The following ZNF148 variants were observed in gnomAD, a reference collection of about 807,000 sequenced individuals.
ZNF148 encodes the protein Beta-Enolase Repressor Factor-1.
A neutral mutation model predicts 67.7 loss-of-function variants in ZNF148; 7 were observed. The ratio of observed to expected loss-of-function variants is 0.10; its 90% CI spans 0.06 to 0.19. The LOEUF (loss-of-function observed/expected upper bound fraction) is 0.19. ZNF148 is among the 10% of genes least tolerant of loss of function. The probability of loss-of-function intolerance (pLI) is 1.00; values close to 1 mark genes in which losing one functional copy is unlikely to be tolerated. For synonymous variants in ZNF148, 333 were observed against 330.7 expected (o/e 1.01, Z -0.08); for missense variants, 583 against 947.1 (o/e 0.62, Z 5.05).
Position 125,313,289 on chromosome 3 carries a change from T to G in ZNF148, c.333+19A>C. On this transcript the variant is annotated intron_variant, in intron 4 of 8. Transcript: ENST00000360647. Reference sequence around the variant, plus strand: ...AAATTATGTTTCTAAGTTTAATATCTTATAAAGGAATTACTTACAGGGACA... The same window carrying G: ...AAATTATGTTTCTAAGTTTAATATCGTATAAAGGAATTACTTACAGGGACA... 1 of 1,579,236 alleles carries G rather than the reference T, an allele frequency of 6.3e-7. No individual in the cohort carries two copies. The highest frequency in any genetic ancestry group is 1.8e-5 in the Admixed American group (1 of 56,998).
chr3:125,362,045 A>G (rs1292594798), intron 1 of ZNF148, among the ~76,000 whole-genome samples: 1 of 152,158 alleles, frequency 6.6e-6, no homozygotes, highest in Admixed American at 6.5e-5. Flanking sequence ...CTCACTATGC[A>G]TCTCCCCAGT....
intron 7 of ZNF148, among the ~76,000 whole-genome samples, chr3:125,243,056 G>A (rs1236508183): frequency 6.6e-6 from 1 of 152,150 alleles, no homozygotes; most frequent in African/African-American, 2.4e-5. Flanking sequence ...AGAGTTCTCT[G>A]AAGTGTTTAT....
At chr3:125,297,959 T>C (rs1163802457) in intron 4 of ZNF148, among the ~76,000 whole-genome samples, 1 of 152,176 alleles carries the variant, frequency 6.6e-6, no homozygotes, top group Non-Finnish European at 1.5e-5. Context: ...ACAATCTAAA[T>C]GACTATTAGA....
intron 5 of ZNF148, 54 bp downstream of exon 5, chr3:125,288,049 A>C: frequency 6.2e-7 from 1 of 1,611,108 alleles, no homozygotes; most frequent in Non-Finnish European, 8.5e-7. Context: ...CTATAGAATT[A>C]ACCAACAGTT....
chr3:125,351,707 A>G (rs1163652972), intron 1 of ZNF148, among the ~76,000 whole-genome samples: 1 of 152,216 alleles, frequency 6.6e-6, no homozygotes, highest in African/African-American at 2.4e-5. Flanking sequence ...ACCCAACAAT[A>G]AAAAGACAAC....
chr3:125,262,910 C>A (rs1171299874), intron 7 of ZNF148, among the ~76,000 whole-genome samples: 2 of 152,180 alleles, frequency 1.3e-5, no homozygotes, highest in Non-Finnish European at 2.9e-5. Context: ...CAAATACTAA[C>A]ATGAAAGGCC....
intron 3 of ZNF148, among the ~76,000 whole-genome samples, chr3:125,319,446 T>A (rs1940673216): frequency 6.6e-6 from 1 of 152,174 alleles, no homozygotes; most frequent in Non-Finnish European, 1.5e-5. Flanking sequence ...GCACTACTAC[T>A]CATTTTTAAT....
At chr3:125,339,361 G>A (rs538546800) in intron 1 of ZNF148, among the ~76,000 whole-genome samples, 2 of 152,256 alleles carry the variant, frequency 1.3e-5, no homozygotes, top group East Asian at 1.9e-4. Flanking sequence ...ATGTTTAAGA[G>A]TGCTAAAATG....
intron 5 of ZNF148, among the ~76,000 whole-genome samples, chr3:125,281,596 A>T (rs1376262569): frequency 6.6e-6 from 1 of 152,202 alleles, no homozygotes; most frequent in Non-Finnish European, 1.5e-5. Flanking sequence ...TGTGAAACGG[A>T]TGTAATCCTT....
At chr3:125,329,004 T>G (rs1474989990) in intron 2 of ZNF148, among the ~76,000 whole-genome samples, 3 of 148,752 alleles carry the variant, frequency 2.0e-5, no homozygotes, top group African/African-American at 4.9e-5. Flanking sequence ...TACTGATATA[T>G]ATATATATAT....
Position 125,338,459 on chromosome 3 carries a change from A to G in ZNF148, c.-233-7221T>C, listed in dbSNP as rs78682244. On this transcript the variant is annotated intron_variant, in intron 1 of 8. Coordinates refer to ENST00000360647, the MANE Select transcript of ZNF148 (RefSeq NM_021964.3). ...AACACTTCATTTAACTTTGATTTTTAAAGTGTCAATTCTTTGTCATCAAAA... is the reference window on the plus strand; with the variant it reads ...AACACTTCATTTAACTTTGATTTTTGAAGTGTCAATTCTTTGTCATCAAAA... 2.6e-3 allele frequency among the ~76,000 whole-genome samples: 400 copies of G among 152,124 alleles called. 10 individuals carry two copies. In the East Asian group the frequency reaches 0.063, roughly 24 times the overall value.
At chr3:125,260,787 A>G (rs534480704) in intron 7 of ZNF148, among the ~76,000 whole-genome samples, 1 of 152,244 alleles carries the variant, frequency 6.6e-6, no homozygotes, top group Non-Finnish European at 1.5e-5. Flanking sequence ...TCAACAACAC[A>G]TATTTCCCTT....
At chr3:125,338,386 G>C (rs1161793758) in intron 1 of ZNF148, among the ~76,000 whole-genome samples, 1 of 151,776 alleles carries the variant, frequency 6.6e-6, no homozygotes, top group East Asian at 1.9e-4. Context: ...AATAATGAAG[G>C]GAACCCTAGA....
chr3:125,257,346 G>C (rs1223962030), intron 7 of ZNF148, among the ~76,000 whole-genome samples: 2 of 152,086 alleles, frequency 1.3e-5, no homozygotes, highest in African/African-American at 4.8e-5. Context: ...GAGGTCAGGA[G>C]TTTGAGAACA....
intron 2 of ZNF148, among the ~76,000 whole-genome samples, chr3:125,323,955 T>C (rs1401839596): frequency 5.0e-5 from 4 of 79,270 alleles, no homozygotes; most frequent in African/African-American, 2.3e-4. Context: ...CGAGACTCTG[T>C]CTCAAAAAAA....
intron 7 of ZNF148, among the ~76,000 whole-genome samples, chr3:125,261,174 T>C (rs1281648825): frequency 6.6e-6 from 1 of 152,172 alleles, no homozygotes; most frequent in Non-Finnish European, 1.5e-5. Context: ...TGTGTAGCCA[T>C]AGATAATACA....
chr3:125,350,162 T>TTTTC (rs35989620), intron 1 of ZNF148, among the ~76,000 whole-genome samples: 1 of 8,400 alleles, frequency 1.2e-4, no homozygotes, highest in Non-Finnish European at 2.6e-4. Flanking sequence ...TGGGTTTTGG[T>TTTTC]TTTGTTTTGT....
chr3:125,334,625 A>C lies in ZNF148; in HGVS notation c.-233-3387T>G, dbSNP rs185975411. ...TATTAAATCACTTAATCAAAACAACAAACCTATGAGATAGTATTGTTATTA... is the reference window on the plus strand; with the variant it reads ...TATTAAATCACTTAATCAAAACAACCAACCTATGAGATAGTATTGTTATTA... On this transcript the variant is annotated intron_variant, in intron 1 of 8. Transcript: ENST00000360647. Among the ~76,000 whole-genome samples the C allele has an allele frequency of 8.9e-4, 135 of 152,308 alleles. 1 individual carries two copies. The highest frequency in any genetic ancestry group is 3.2e-3 in the African/African-American group (132 of 41,580).
chr3:125,303,444 A>G (rs1370794325), intron 4 of ZNF148, among the ~76,000 whole-genome samples: 1 of 152,168 alleles, frequency 6.6e-6, no homozygotes, highest in African/African-American at 2.4e-5. Flanking sequence ...GTATTTACAC[A>G]CTGTCCCCAC....
Sources: allele counts gnomAD v4.1 joint callset (sites outside exome capture counted in the v4.1 genomes callset), GRCh38; gene constraint gnomAD v4.1.1; transcripts MANE v1.5; gene names NCBI Gene and HGNC (gene_info 2026-07-23, HGNC 2026-07-21).